NCOR2: variants seen among roughly 807,000 people sequenced by gnomAD.
NCOR2 encodes the protein CTG repeat protein 26.
A neutral mutation model predicts 262.9 loss-of-function variants in NCOR2; 81 were observed. The ratio of observed to expected loss-of-function variants is 0.31; its 90% CI spans 0.26 to 0.37. The LOEUF is 0.37. NCOR2 is among the 10% of genes least tolerant of loss of function. The probability of loss-of-function intolerance (pLI) is 1.00; values close to 1 mark genes in which losing one functional copy is unlikely to be tolerated. For synonymous variants in NCOR2, 1,659 were observed against 1,559.3 expected, an observed-to-expected ratio of 1.06 and a Z score of -1.51; for missense variants, 3,385 against 3,621.4, an observed-to-expected ratio of 0.93 and a Z score of 1.68.
intron 6 of NCOR2, among the ~76,000 whole-genome samples, chr12:124,452,862 A>T (rs2045630657): frequency 6.6e-6 from 1 of 152,176 alleles, no homozygotes; most frequent in African/African-American, 2.4e-5. Context: ...GGGGCCCACA[A>T]GGCGAAGGCC....
At chr12:124,563,089 T>C (rs1430040276) in intron 1 of NCOR2, among the ~76,000 whole-genome samples, 2 of 152,160 alleles carry the variant, frequency 1.3e-5, no homozygotes, top group East Asian at 1.9e-4. Context: ...CTCTCCAATA[T>C]GGCACAGGTG....
chr12:124,405,335 G>A (rs1455193012), intron 13 of NCOR2, among the ~76,000 whole-genome samples: 2 of 152,220 alleles, frequency 1.3e-5, no homozygotes, highest in African/African-American at 4.8e-5. Flanking sequence ...CCTCTTCCCT[G>A]ACATGTTAAC....
intron 13 of NCOR2, among the ~76,000 whole-genome samples, chr12:124,415,348 G>C (rs1225199655): frequency 6.6e-6 from 1 of 152,274 alleles, no homozygotes; most frequent in Admixed American, 6.5e-5. Context: ...GCCACAGACA[G>C]AGACGCTCAG....
chr12:124,329,522 C>T (rs896309186), intron 44 of NCOR2, among the ~76,000 whole-genome samples: 5 of 152,078 alleles, frequency 3.3e-5, no homozygotes, highest in African/African-American at 1.2e-4. Context: ...GGATCCTCAG[C>T]TTGAGGACAG....
intron 10 of NCOR2, among the ~76,000 whole-genome samples, chr12:124,428,592 C>T (rs777006846): frequency 2.0e-5 from 3 of 152,198 alleles, no homozygotes; most frequent in Non-Finnish European, 4.4e-5. Flanking sequence ...GCAGCGCGTT[C>T]TGTTGTCCAA....
chr12:124,462,459 C>T (rs751978399), intron 5 of NCOR2, among the ~76,000 whole-genome samples: 1 of 152,220 alleles, frequency 6.6e-6, no homozygotes, highest in South Asian at 2.1e-4. Context: ...GAGCCCCATG[C>T]CCATGAGCCC....
At chr12:124,374,278 C>T in intron 19 of NCOR2, 135 bp downstream of exon 21, 2 of 860,598 alleles carry the variant, frequency 2.3e-6, no homozygotes, top group Non-Finnish European at 3.7e-6. Flanking sequence ...AGCCCAGAGG[C>T]CGCGGAGCAC....
At chr12:124,564,538 C>CCCCCGG (rs1394182584) in intron 1 of NCOR2, among the ~76,000 whole-genome samples, 8 of 141,560 alleles carry the variant, frequency 5.7e-5, no homozygotes, top group Non-Finnish European at 1.2e-4. Context: ...CCCACCCCCA[C>CCCCCGG]CCCCGGCCCA....
At chr12:124,367,529 G>C (rs931053864) in intron 20 of NCOR2, among the ~76,000 whole-genome samples, 7 of 152,194 alleles carry the variant, frequency 4.6e-5, no homozygotes, top group Non-Finnish European at 1.0e-4. Flanking sequence ...GGGCCCATCT[G>C]ACCGCCCCTT....
chr12:124,341,786 G>A lies in NCOR2; in HGVS notation c.5188+37C>T. On this transcript the variant is annotated intron_variant, in intron 34 of 46. Coordinates refer to ENST00000405201, the Ensembl canonical transcript of NCOR2. ...CACGCCCATGTCCTTTGGGAATAAG[G>A]CCAAACCCAGCGGAGGTGGTCTGCC... 4 of 1,569,720 alleles carry A rather than the reference G, an allele frequency of 2.5e-6. No homozygotes were observed. The South Asian group carries it at 4.7e-5, about 18-fold the overall frequency.
chr12:124,545,717 C>T (rs1209317396), intron 1 of NCOR2, among the ~76,000 whole-genome samples: 1 of 152,150 alleles, frequency 6.6e-6, no homozygotes, highest in Non-Finnish European at 1.5e-5. Context: ...CCAGTGGCCC[C>T]ACATACTCCA....
chr12:124,518,862 G>A (rs1053852267), intron 1 of NCOR2, among the ~76,000 whole-genome samples: 3 of 152,328 alleles, frequency 2.0e-5, no homozygotes, highest in African/African-American at 4.8e-5. Flanking sequence ...CAACCTGAGC[G>A]TAGCTCTGGC....
exon 43 of NCOR2, chr12:124,332,353 C>A (rs974442586): frequency 1.9e-6 from 3 of 1,614,098 alleles, no homozygotes; most frequent in Non-Finnish European, 2.5e-6. Context: ...GGGTGTTCAG[C>A]TTCTTGTTGA....
At chr12:124,437,871 T>C in intron 8 of NCOR2, 59 bp downstream of exon 10, 1 of 1,519,386 alleles carries the variant, frequency 6.6e-7, no homozygotes. Flanking sequence ...TGGCCCCCTG[T>C]GCGCTCGATT....
intron 41 of NCOR2, among the ~76,000 whole-genome samples, chr12:124,334,138 T>A (rs2035656398): frequency 6.6e-6 from 1 of 152,224 alleles, no homozygotes; most frequent in Non-Finnish European, 1.5e-5. Flanking sequence ...AGTTTCTTCA[T>A]CTGTGAAATG....
chr12:124,449,794 C>T lies in NCOR2; in HGVS notation c.815+21G>A, dbSNP rs540502858. On this transcript the variant is annotated intron_variant, in intron 7 of 46. Coordinates refer to ENST00000405201, the Ensembl canonical transcript of NCOR2. ...CCCACCCTGCCTCTGTGTGTCTGCA[C>T]GGCTGCCCGCGAGCACTCACATTTT... The T allele has an allele frequency of 3.0e-5, 48 of 1,613,556 alleles. No homozygotes were observed. The South Asian group carries it at 3.2e-4, about 11-fold the overall frequency.
At chr12:124,383,112 T>C (rs866447988) in intron 17 of NCOR2, among the ~76,000 whole-genome samples, 1 of 152,184 alleles carries the variant, frequency 6.6e-6, no homozygotes, top group Non-Finnish European at 1.5e-5. Flanking sequence ...TAGCAGAGTG[T>C]CTGGGGCATA....
intron 45 of NCOR2, 57 bp downstream of exon 47, chr12:124,327,352 G>C: frequency 7.5e-7 from 1 of 1,334,298 alleles, no homozygotes; most frequent in South Asian, 1.4e-5. Context: ...GAGGAGCGAG[G>C]ATTAATCACA....
chr12:124,429,605 G>A lies in NCOR2; in HGVS notation c.1149+8C>T, dbSNP rs1379543024. ...GGAGCTGAGGCCAGAGTCAGGGCCT[G>A]GACTCACCTCCTGCTCTGAGAGGCC... On this transcript the variant is annotated splice_region_variant and intron_variant, in intron 10 of 46. Transcript: ENST00000405201. 6.3e-7 allele frequency: 1 copy of A among 1,594,130 alleles called. No individual in the cohort carries two copies. The highest frequency in any genetic ancestry group is 1.7e-5 in the Admixed American group (1 of 57,658).
Sources: gnomAD v4.1 joint callset for allele counts (sites outside exome capture counted in the v4.1 genomes callset) on GRCh38, gnomAD v4.1.1 for gene constraint, MANE v1.5 for transcripts, NCBI Gene and HGNC (gene_info 2026-07-23, HGNC 2026-07-21) for gene names.